Variants in TAFA4 observed in about 807,000 individuals in gnomAD.
The protein encoded by TAFA4 is chemokine-like protein TAFA-4.
TAFA4 carries 20 observed loss-of-function variants against 21.1 expected under a neutral mutation model. The observed-to-expected ratio is 0.95, with a 90% CI of 0.67 to 1.38. The LOEUF (loss-of-function observed/expected upper bound fraction) is 1.38. TAFA4 is among the 40% of genes most tolerant of loss of function. The pLI, the probability that TAFA4 is intolerant of heterozygous loss-of-function variation, is 0.00. For missense variants in TAFA4, 211 were observed against 180.9 expected (o/e 1.17, Z -0.95); for synonymous variants, 71 against 67.4 (o/e 1.05, Z -0.26).
At chr3:68,832,637 G>T (rs1478842061) in intron 3 of TAFA4, among the ~76,000 whole-genome samples, 1 of 152,216 alleles carries the variant, frequency 6.6e-6, no homozygotes, top group Non-Finnish European at 1.5e-5. Context: ...GCTACATGGG[G>T]GTCAGGGACC....
At chr3:68,759,886 G>A (rs901490479) in intron 3 of TAFA4, among the ~76,000 whole-genome samples, 1 of 152,210 alleles carries the variant, frequency 6.6e-6, no homozygotes, top group African/African-American at 2.4e-5. Context: ...GTGGGCAGAT[G>A]GGGGGTAGAT....
At chr3:68,914,883 T>C (rs552615378) in intron 1 of TAFA4, among the ~76,000 whole-genome samples, 28 of 152,220 alleles carry the variant, frequency 1.8e-4, no homozygotes, top group Admixed American at 1.6e-3. Context: ...ATAGTATTTA[T>C]TGATACATGA....
At chr3:68,756,327 C>G in intron 3 of TAFA4, among the ~76,000 whole-genome samples, 1 of 152,178 alleles carries the variant, frequency 6.6e-6, no homozygotes, top group South Asian at 2.1e-4. Context: ...CAAGTACCCT[C>G]AAGTGTGTTC....
chr3:68,911,585 T>C (rs530668788), intron 1 of TAFA4, among the ~76,000 whole-genome samples: 12 of 152,190 alleles, frequency 7.9e-5, no homozygotes, highest in South Asian at 6.2e-4. Flanking sequence ...AATATTTGAG[T>C]CTTCTATGGG....
rs1031158396 is a variant in TAFA4 at position 68,784,080 on chromosome 3, C to G, written c.131-31062G>C. ...AAGAATCCAAAGGGTCACACGTTAACAGAAACACAGATTGCTTGTCATCAT... is the reference window on the plus strand; with the variant it reads ...AAGAATCCAAAGGGTCACACGTTAAGAGAAACACAGATTGCTTGTCATCAT... On this transcript the variant is annotated intron_variant, in intron 3 of 5. Coordinates refer to ENST00000295569, the MANE Select transcript of TAFA4 (RefSeq NM_182522.5). 2.0e-5 allele frequency among the ~76,000 whole-genome samples: 3 copies of G among 152,294 alleles called. No individual in the cohort carries two copies. In the South Asian group the frequency reaches 6.2e-4, roughly 32 times the overall value.
At chr3:68,914,447 C>A (rs1374332784) in intron 1 of TAFA4, among the ~76,000 whole-genome samples, 1 of 152,110 alleles carries the variant, frequency 6.6e-6, no homozygotes, top group Non-Finnish European at 1.5e-5. Flanking sequence ...AAGATTTGGA[C>A]ACTTTATTGT....
At chr3:68,901,526 C>T (rs2089843975) in intron 1 of TAFA4, among the ~76,000 whole-genome samples, 1 of 152,064 alleles carries the variant, frequency 6.6e-6, no homozygotes, top group Admixed American at 6.6e-5. Flanking sequence ...TTAGTAGCTA[C>T]TAACCACACA....
intron 3 of TAFA4, among the ~76,000 whole-genome samples, chr3:68,863,479 C>T (rs1365178425): frequency 6.6e-6 from 1 of 152,056 alleles, no homozygotes; most frequent in Non-Finnish European, 1.5e-5. Flanking sequence ...TTATTCATCC[C>T]AAGATGGACA....
At chr3:68,865,530 T>C (rs2089405537) in intron 3 of TAFA4, among the ~76,000 whole-genome samples, 1 of 152,140 alleles carries the variant, frequency 6.6e-6, no homozygotes, top group Non-Finnish European at 1.5e-5. Flanking sequence ...ATGTAAAACA[T>C]GCCTTTTCTC....
At chr3:68,753,294 T>C (rs551501096) in intron 3 of TAFA4, among the ~76,000 whole-genome samples, 48 of 151,062 alleles carry the variant, frequency 3.2e-4, no homozygotes, top group African/African-American at 1.2e-3. Context: ...ATTAATTACA[T>C]GATAAAAGAG....
chr3:68,881,538 C>G (rs886406167), intron 2 of TAFA4, among the ~76,000 whole-genome samples: 2 of 152,280 alleles, frequency 1.3e-5, no homozygotes, highest in African/African-American at 4.8e-5. Flanking sequence ...AACTTTCTGC[C>G]ATTTTATAAC....
intron 1 of TAFA4, among the ~76,000 whole-genome samples, chr3:68,912,547 T>C (rs1254524984): frequency 1.3e-5 from 2 of 152,228 alleles, no homozygotes; most frequent in East Asian, 1.9e-4. Context: ...TTTCGCAGTG[T>C]TGGGGACCAG....
At chr3:68,917,753 CAAAAAAA>C (rs55853026) in intron 1 of TAFA4, among the ~76,000 whole-genome samples, 4 of 58,200 alleles carry the variant, frequency 6.9e-5, no homozygotes, top group African/African-American at 2.6e-4. Flanking sequence ...GACTCTGTCT[CAAAAAAA>C]AAAAAAAAAA....
chr3:68,866,453 GACCAAA>G (rs1027091227), intron 3 of TAFA4, among the ~76,000 whole-genome samples: 5 of 151,914 alleles, frequency 3.3e-5, no homozygotes, highest in Non-Finnish European at 7.4e-5. Flanking sequence ...ACCCCAGAAA[GACCAAA>G]ACAAGCCAGG....
chr3:68,745,378 T>C lies in TAFA4; in HGVS notation c.287-6179A>G, dbSNP rs186950925. On this transcript the variant is annotated intron_variant, in intron 4 of 5. Transcript: ENST00000295569. ...TTTTTCCTGTTACAAAATATCATAA[T>C]ACACTTTAAATGAGAAAGTGTCTTG... 3.7e-4 allele frequency among the ~76,000 whole-genome samples: 56 copies of C among 152,330 alleles called. No individual in the cohort carries two copies. The East Asian group carries it at 7.3e-3, about 20-fold the overall frequency.
intron 4 of TAFA4, among the ~76,000 whole-genome samples, chr3:68,748,033 C>T (rs374647476): frequency 1.4e-4 from 22 of 152,154 alleles, no homozygotes; most frequent in African/African-American, 5.3e-4. Context: ...CATTGCTTCT[C>T]AAGGGGCAGC....
intron 3 of TAFA4, among the ~76,000 whole-genome samples, chr3:68,807,769 G>GCAT (rs1274318684): frequency 1.3e-5 from 2 of 152,168 alleles, no homozygotes; most frequent in Non-Finnish European, 2.9e-5. Context: ...TCATGTAGCT[G>GCAT]CATCACCTAC....
intron 3 of TAFA4, among the ~76,000 whole-genome samples, chr3:68,833,538 T>G (rs750393946): frequency 2.6e-5 from 4 of 152,136 alleles, no homozygotes; most frequent in Non-Finnish European, 5.9e-5. Flanking sequence ...CTAAAGCATT[T>G]AGGCACTTAG....
chr3:68,843,402 C>T (rs1704712016), intron 3 of TAFA4, among the ~76,000 whole-genome samples: 1 of 152,214 alleles, frequency 6.6e-6, no homozygotes, highest in South Asian at 2.1e-4. Context: ...ACTGAATTAT[C>T]AGCTTAAGGA....
Sources: gnomAD v4.1 joint callset for allele counts (sites outside exome capture counted in the v4.1 genomes callset) on GRCh38, gnomAD v4.1.1 for gene constraint, MANE v1.5 for transcripts, NCBI Gene and HGNC (gene_info 2026-07-23, HGNC 2026-07-21) for gene names.